NCAM1: variants seen among roughly 807,000 people sequenced by gnomAD.
The protein encoded by NCAM1 is neural cell adhesion molecule 1.
A neutral mutation model predicts 109.8 loss-of-function variants in NCAM1; 14 were observed. The ratio of observed to expected loss-of-function variants is 0.13; its 90% CI spans 0.08 to 0.20. The LOEUF (loss-of-function observed/expected upper bound fraction) is 0.20. NCAM1 is among the 10% of genes least tolerant of loss of function. The pLI is 1.00. For missense variants in NCAM1, 774 were observed against 1,109.9 expected (o/e 0.70, Z 4.30); for synonymous variants, 418 against 442.9 (o/e 0.94, Z 0.70).
At chr11:113,050,346 A>AG in intron 1 of NCAM1, among the ~76,000 whole-genome samples, 1 of 152,214 alleles carries the variant, frequency 6.6e-6, no homozygotes. Flanking sequence ...CTACTGGCTC[A>AG]GGCGCTGACT....
At chr11:113,102,573 G>C (rs1939924448) in intron 1 of NCAM1, among the ~76,000 whole-genome samples, 1 of 152,102 alleles carries the variant, frequency 6.6e-6, no homozygotes, top group African/African-American at 2.4e-5. Context: ...TGGCTCTTGG[G>C]CATATTGATA....
intron 1 of NCAM1, among the ~76,000 whole-genome samples, chr11:113,029,689 G>T (rs1483836477): frequency 6.6e-6 from 1 of 152,148 alleles, no homozygotes; most frequent in African/African-American, 2.4e-5. Flanking sequence ...GTATTTTAAA[G>T]ACTTAAAGCA....
intron 1 of NCAM1, among the ~76,000 whole-genome samples, chr11:113,100,728 T>TG (rs1178974397): frequency 2.0e-5 from 3 of 151,558 alleles, no homozygotes; most frequent in Admixed American, 6.6e-5. Flanking sequence ...GTAGAAGATG[T>TG]GGGGGGGTGG....
chr11:113,238,600 C>A (rs1555118716), intron 14 of NCAM1, among the ~76,000 whole-genome samples: 1 of 152,168 alleles, frequency 6.6e-6, no homozygotes, highest in African/African-American at 2.4e-5. Flanking sequence ...TTAGGAAGGA[C>A]CTTCTCTGAA....
At chr11:113,032,458 G>C (rs1416895606) in intron 1 of NCAM1, among the ~76,000 whole-genome samples, 1 of 152,110 alleles carries the variant, frequency 6.6e-6, no homozygotes, top group East Asian at 1.9e-4. Context: ...CATCCCGTCG[G>C]CTGACTCACA....
At chr11:113,010,215 G>A (rs1359915277) in intron 1 of NCAM1, among the ~76,000 whole-genome samples, 2 of 152,100 alleles carry the variant, frequency 1.3e-5, no homozygotes, top group Non-Finnish European at 2.9e-5. Context: ...TATGCTAATT[G>A]CAGACCCTTT....
chr11:113,109,356 G>GAAAAAAAAAAAAA (rs1358061242), intron 1 of NCAM1, among the ~76,000 whole-genome samples: 1 of 140,072 alleles, frequency 7.1e-6, no homozygotes, highest in African/African-American at 2.6e-5. Flanking sequence ...TCAAAAAAAA[G>GAAAAAAAAAAAAA]AAAAAAAAAC....
chr11:113,223,472 C>T (rs1358350206), intron 9 of NCAM1, among the ~76,000 whole-genome samples: 3 of 152,114 alleles, frequency 2.0e-5, no homozygotes, highest in Admixed American at 6.5e-5. Flanking sequence ...AAAAGTATGG[C>T]TGTTCACGCA....
intron 1 of NCAM1, among the ~76,000 whole-genome samples, chr11:113,174,860 GGGA>G (rs1943099179): frequency 6.6e-6 from 1 of 152,072 alleles, no homozygotes; most frequent in African/African-American, 2.4e-5. Context: ...GAGACTTTTG[GGGA>G]GTACAAGTAT....
intron 1 of NCAM1, among the ~76,000 whole-genome samples, chr11:113,146,638 A>G (rs550388112): frequency 3.9e-4 from 59 of 152,306 alleles, no homozygotes; most frequent in African/African-American, 1.3e-3. Flanking sequence ...CTATATTCCA[A>G]TGGAATTTGC....
intron 1 of NCAM1, among the ~76,000 whole-genome samples, chr11:113,139,449 A>T (rs1426754437): frequency 6.6e-6 from 1 of 152,120 alleles, no homozygotes; most frequent in Non-Finnish European, 1.5e-5. Flanking sequence ...AATTTCTCAT[A>T]ACAAGCAGAA....
chr11:113,213,683 C>G (rs1555113952), intron 7 of NCAM1, among the ~76,000 whole-genome samples: 1 of 152,230 alleles, frequency 6.6e-6, no homozygotes, highest in African/African-American at 2.4e-5. Context: ...CAAAGCTTCT[C>G]TTTGCTGTTT....
At chr11:113,151,158 G>A (rs920654331) in intron 1 of NCAM1, among the ~76,000 whole-genome samples, 2 of 152,162 alleles carry the variant, frequency 1.3e-5, no homozygotes, top group Non-Finnish European at 2.9e-5. Flanking sequence ...TAATGAATCT[G>A]TCAGTCCTCT....
At chr11:113,087,772 A>G (rs141569619) in intron 1 of NCAM1, among the ~76,000 whole-genome samples, 4 of 152,284 alleles carry the variant, frequency 2.6e-5, no homozygotes, top group Non-Finnish European at 5.9e-5. Flanking sequence ...ATGTCTGTGC[A>G]TTGCTCTTTT....
intron 1 of NCAM1, among the ~76,000 whole-genome samples, chr11:113,175,064 G>A (rs987106214): frequency 2.0e-5 from 3 of 152,316 alleles, no homozygotes; most frequent in East Asian, 1.9e-4. Context: ...AGGTTGCTGG[G>A]TGATGTCATG....
chr11:113,168,381 G>T lies in NCAM1; in HGVS notation c.53-33998G>T, dbSNP rs139887850. On this transcript the variant is annotated intron_variant, in intron 1 of 19. Coordinates refer to ENST00000316851, the MANE Select transcript of NCAM1 (RefSeq NM_181351.5). ...AGCTCACATCTGTTATTCCAAGGGA[G>T]ATGCTAGATGGTCGATGTCTGGTCG... Among the ~76,000 whole-genome samples, 11 of 152,240 alleles carry T rather than the reference G, an allele frequency of 7.2e-5. No homozygotes were observed. In the East Asian group the frequency reaches 2.1e-3, roughly 29 times the overall value.
chr11:113,148,471 T>C (rs1555101788), intron 1 of NCAM1, among the ~76,000 whole-genome samples: 1 of 152,046 alleles, frequency 6.6e-6, no homozygotes, highest in African/African-American at 2.4e-5. Flanking sequence ...TTTTTGGGTC[T>C]GATTGTAAAT....
At chr11:113,206,338 C>CT (rs199506206) in intron 5 of NCAM1, among the ~76,000 whole-genome samples, 158 bp downstream of exon 5, 23,679 of 136,186 alleles carry the variant, frequency 0.17, 2,260 homozygotes, top group East Asian at 0.26. Flanking sequence ...ATCTAGATTT[C>CT]TTTTTTTTTT....
At chr11:113,211,307 T>C (rs1555113629) in intron 7 of NCAM1, among the ~76,000 whole-genome samples, 2 of 152,168 alleles carry the variant, frequency 1.3e-5, no homozygotes, top group Non-Finnish European at 2.9e-5. Context: ...GTAGCTTAGA[T>C]AGTAAAGAAA....
Sources: allele counts gnomAD v4.1 joint callset (sites outside exome capture counted in the v4.1 genomes callset), GRCh38; gene constraint gnomAD v4.1.1; transcripts MANE v1.5; gene names NCBI Gene and HGNC (gene_info 2026-07-23, HGNC 2026-07-21).